ONECUT3: variants seen among roughly 807,000 people sequenced by gnomAD.
The protein encoded by ONECUT3 is one cut homeobox 3, also known as one cut domain family member 3.
ONECUT3 carries 11 observed loss-of-function variants against 16.8 expected under a neutral mutation model. The ratio of observed to expected loss-of-function variants is 0.66; its 90% confidence interval spans 0.41 to 1.09. The LOEUF (loss-of-function observed/expected upper bound fraction) is 1.09, where lower values mean the gene tolerates loss of function less well. Ranked by LOEUF, ONECUT3 falls within the 50% of genes least tolerant of loss-of-function variation. The pLI is 0.00. For missense variants in ONECUT3, 637 were observed against 629.9 expected (o/e 1.01, Z -0.12); for synonymous variants, 344 against 310.7 (o/e 1.11, Z -1.13).
At position 1,754,258 on chromosome 19, in the gene ONECUT3, T is replaced by C. The variant is rs2145954623; in HGVS notation, c.596T>C (p.Leu199Pro). 9.4e-7 allele frequency: 1 copy of C among 1,066,470 alleles called. No homozygotes were observed. 66.1% of individuals were successfully genotyped at this position (1,066,470 alleles called of 1,614,324 possible). ...GAGCTGCCCGCCATGGGGTCGCCGC[T>C]GTCGCCGCTGCCCAACGCGCTGCCG... ...GKELPAMGSP[L>P]SPLPNALPPA... Residue 199 changes from leucine (L) to proline (P), a missense_variant, in exon 1 of 2, where the codon CTG (leucine) becomes CCG (proline). Coordinates refer to ENST00000382349, the MANE Select transcript of ONECUT3 (RefSeq NM_001080488.2). The surrounding 1 kb of genome is among the most constrained non-coding windows in gnomAD (Gnocchi z 7.4).
At position 1,766,341 on chromosome 19, in the gene ONECUT3, C is replaced by A. The variant is rs903362817; in HGVS notation, c.1193-8812C>A. Among the ~76,000 whole-genome samples the A allele has an allele frequency of 6.6e-6, 1 of 152,070 alleles. No individual in the cohort carries two copies. Among genetic ancestry groups the A allele is most frequent in the Non-Finnish European group, 1.5e-5 (1 of 67,980 alleles). ...CGTCAGGCGCGCGCAGAGGCACCCA[C>A]GGGCCCGCCTTCAGGGGCGAGGCGG... is the stretch of plus-strand genomic sequence containing the variant. On this transcript the variant is annotated intron_variant, in intron 1 of 1. Coordinates refer to ENST00000382349, the MANE Select transcript of ONECUT3 (RefSeq NM_001080488.2). The surrounding 1 kb of genome is among the most constrained non-coding windows in gnomAD (Gnocchi z 4.0).
intron 1 of ONECUT3, among the ~76,000 whole-genome samples, chr19:1,770,490 TCTTG>T (rs1238867921): frequency 6.6e-6 from 1 of 152,168 alleles, no homozygotes; most frequent in Non-Finnish European, 1.5e-5. Flanking sequence ...CATATAAAGC[TCTTG>T]ACACAAAGCT....
At chr19:1,767,542 C>G (rs1159229156) in intron 1 of ONECUT3, among the ~76,000 whole-genome samples, 7 of 152,182 alleles carry the variant, frequency 4.6e-5, no homozygotes, top group Non-Finnish European at 8.8e-5. Context: ...GGGTCTCCCC[C>G]CAGTCCAGCC....
chr19:1,775,415 CG>C lies in ONECUT3; in HGVS notation c.1457del (p.Gly486AlafsTer125). 1 of 1,527,186 alleles carries C rather than the reference CG, an allele frequency of 6.5e-7. No homozygotes were observed. The highest frequency in any genetic ancestry group is 8.8e-7 in the Non-Finnish European group (1 of 1,138,906). 94.6% of individuals were successfully genotyped at this position (1,527,186 alleles called of 1,614,324 possible). On this transcript the variant is annotated frameshift_variant, in exon 2 of 2. Coordinates refer to ENST00000382349, the MANE Select transcript of ONECUT3 (RefSeq NM_001080488.2). LOFTEE classifies it high-confidence loss of function. ...EPSTAPGGPA[G>X]ATATFSKA is the part of the protein sequence containing the mutation. ...CCAGCACGGCCCCCGGGGGCCCCGC[CG>C]GCGCCACGGCCACTTTCTCCAAGGC...
intron 1 of ONECUT3, among the ~76,000 whole-genome samples, chr19:1,761,260 C>T (rs1025420229): frequency 6.6e-6 from 1 of 152,078 alleles, no homozygotes; most frequent in African/African-American, 2.4e-5. Flanking sequence ...ACCACGTTGA[C>T]CAGGCTGGTC....
At chr19:1,774,809 C>T (rs1024617945) in intron 1 of ONECUT3, among the ~76,000 whole-genome samples, 1 of 151,764 alleles carries the variant, frequency 6.6e-6, no homozygotes, top group African/African-American at 2.4e-5. Flanking sequence ...CTCCCCCCAC[C>T]CCCACCGCAT....
intron 1 of ONECUT3, among the ~76,000 whole-genome samples, chr19:1,768,914 G>GAGGTGGTGGAGGTGA (rs1403559939): frequency 2.0e-5 from 3 of 147,650 alleles, no homozygotes; most frequent in Non-Finnish European, 4.6e-5. Context: ...GGTGGAGGTG[G>GAGGTGGTGGAGGTGA]AGGTGGTGGA....
chr19:1,765,283 C>G (rs753955257), intron 1 of ONECUT3, among the ~76,000 whole-genome samples: 1 of 152,180 alleles, frequency 6.6e-6, no homozygotes, highest in African/African-American at 2.4e-5. Flanking sequence ...CCTGCCGTGC[C>G]GCCCCCAGCA....
rs1034576405 is a variant in ONECUT3, at chr19:1,779,832, G to A, written c.*4387G>A. Reference sequence around the variant, plus strand: ...GGACGGGGCCCCAGGTAGAGGGGGCGGGAACAGAGCCTCAGTAGCCGGGTC... The same window carrying A: ...GGACGGGGCCCCAGGTAGAGGGGGCAGGAACAGAGCCTCAGTAGCCGGGTC... On this transcript the variant is annotated 3_prime_UTR_variant, in exon 2 of 2. Coordinates refer to ENST00000382349, the MANE Select transcript of ONECUT3 (RefSeq NM_001080488.2). The A allele has an allele frequency of 2.6e-5, 4 of 152,056 alleles. No homozygotes were observed. The highest frequency in any genetic ancestry group is 4.8e-5 in the African/African-American group (2 of 41,356). The allele number at this position is 152,056 out of a possible 1,614,324, so 9.4% of individuals were successfully genotyped here.
chr19:1,766,612 G>A lies in ONECUT3; in HGVS notation c.1193-8541G>A, dbSNP rs1476541599. Among the ~76,000 whole-genome samples the A allele has an allele frequency of 6.6e-6, 1 of 151,480 alleles. No individual in the cohort carries two copies. Among genetic ancestry groups the A allele is most frequent in the African/African-American group, 2.4e-5 (1 of 41,190 alleles). ...AAGGAGGGGTGAGGAGGAGGAGAGG[G>A]GATGGTCCCCTCTTGGAGGGTGATG... On this transcript the variant is annotated intron_variant, in intron 1 of 1. Coordinates refer to ENST00000382349, the MANE Select transcript of ONECUT3 (RefSeq NM_001080488.2). The surrounding 1 kb of genome is among the most constrained non-coding windows in gnomAD (Gnocchi z 4.0).
chr19:1,754,387 C>A lies in ONECUT3; in HGVS notation c.725C>A (p.Pro242His). 1.8e-6 allele frequency: 2 copies of A among 1,099,468 alleles called. No individual in the cohort carries two copies. The highest frequency in any genetic ancestry group is 2.4e-5 in the South Asian group (1 of 42,266). 68.1% of individuals were successfully genotyped at this position (1,099,468 alleles called of 1,614,324 possible). A position where few individuals can be genotyped will look rare whatever the true frequency, so the allele number is the denominator to read the frequency against. ...GHLAGDKLLP[P>H]AAFEPHAALL... Reference sequence around the variant, plus strand: ...CTGGCTGGGGACAAGCTGCTGCCGCCCGCCGCCTTCGAGCCGCACGCCGCG... The same window carrying A: ...CTGGCTGGGGACAAGCTGCTGCCGCACGCCGCCTTCGAGCCGCACGCCGCG... The change falls in exon 1 of 2, where the codon CCC (proline) becomes CAC (histidine). Residue 242 changes from proline (P) to histidine (H), a missense_variant. This residue lies in a region of ONECUT3 where 419 missense variants were observed against 377.9 expected (regional missense o/e 1.11). Transcript: ENST00000382349. The surrounding 1 kb of genome is among the most constrained non-coding windows in gnomAD (Gnocchi z 7.4).
intron 1 of ONECUT3, among the ~76,000 whole-genome samples, chr19:1,761,395 G>C (rs1328422851): frequency 6.6e-6 from 1 of 152,186 alleles, no homozygotes; most frequent in Non-Finnish European, 1.5e-5. Context: ...TCCTAAGGGA[G>C]CTTTGCATGG....
rs542026278 is a variant in ONECUT3, at chr19:1,763,272, G to A, written c.1192+8418G>A. Among the ~76,000 whole-genome samples the A allele has an allele frequency of 3.7e-3, 547 of 148,022 alleles. 2 individuals are homozygous for A. Among genetic ancestry groups the A allele is most frequent in the Non-Finnish European group, 4.7e-3 (317 of 67,324 alleles). ...CCAGCTACTCCGGAGGCTGCGACAG[G>A]AGAATCGCTTGAACCCAGGAGGCAG... On this transcript the variant is annotated intron_variant, in intron 1 of 1. Coordinates refer to ENST00000382349, the MANE Select transcript of ONECUT3 (RefSeq NM_001080488.2).
Position 1,776,537 on chromosome 19 carries a change from C to G in ONECUT3, c.*1092C>G, listed in dbSNP as rs973296206. 13 of 152,170 alleles carry G rather than the reference C, an allele frequency of 8.5e-5. No homozygotes were observed. Among genetic ancestry groups the G allele is most frequent in the African/African-American group, 3.1e-4 (13 of 41,436 alleles). 9.4% of individuals were successfully genotyped at this position (152,170 alleles called of 1,614,324 possible). Reference sequence around the variant, plus strand: ...TTCCACTCTCGCCAAAGAGAGAAGACGCCGAGGAAGGTGGATTCCGCTTGC... The same window carrying G: ...TTCCACTCTCGCCAAAGAGAGAAGAGGCCGAGGAAGGTGGATTCCGCTTGC... On this transcript the variant is annotated 3_prime_UTR_variant, in exon 2 of 2. Transcript: ENST00000382349. The surrounding 1 kb of genome is among the most constrained non-coding windows in gnomAD (Gnocchi z 4.9).
In ONECUT3 at chr19:1,775,579, A is replaced by C. The variant is rs1600365286; in HGVS notation, c.*134A>C. On this transcript the variant is annotated 3_prime_UTR_variant, in exon 2 of 2. Coordinates refer to ENST00000382349, the MANE Select transcript of ONECUT3 (RefSeq NM_001080488.2). ...AGGGGGTGCTATCCGGGCCCCCCAC[A>C]CCCGGGGAGGGGGAAGCAGCACACC... is the stretch of plus-strand genomic sequence containing the variant. 7.3e-5 allele frequency: 60 copies of C among 820,110 alleles called. No homozygotes were observed. Among genetic ancestry groups the C allele is most frequent in the Non-Finnish European group, 9.1e-5 (52 of 572,926 alleles). The allele number at this position is 820,110 out of a possible 1,614,324, so 50.8% of individuals were successfully genotyped here. A position where few individuals can be genotyped will look rare whatever the true frequency, so the allele number is the denominator to read the frequency against.
At chr19:1,774,169 T>C (rs2068083075) in intron 1 of ONECUT3, among the ~76,000 whole-genome samples, 1 of 152,060 alleles carries the variant, frequency 6.6e-6, no homozygotes, top group African/African-American at 2.4e-5. Context: ...GGTCTCAGCC[T>C]GTGGATAGGG....
intron 1 of ONECUT3, among the ~76,000 whole-genome samples, chr19:1,767,862 A>C (rs573473274): frequency 3.5e-4 from 53 of 152,208 alleles, no homozygotes; most frequent in African/African-American, 1.2e-3. Context: ...AGATGTGGGC[A>C]TGGGGTCTCC....
intron 1 of ONECUT3, among the ~76,000 whole-genome samples, chr19:1,757,240 G>C (rs926144849): frequency 2.6e-5 from 4 of 152,206 alleles, no homozygotes; most frequent in Non-Finnish European, 4.4e-5. Context: ...GTGGGTGTTC[G>C]CTCCTGCCGA....
intron 1 of ONECUT3, among the ~76,000 whole-genome samples, chr19:1,763,596 G>A (rs1298440083): frequency 6.6e-6 from 1 of 151,882 alleles, no homozygotes; most frequent in African/African-American, 2.4e-5. Context: ...AATAGTTAAC[G>A]CATTCGCCAG....
Sources: allele counts gnomAD v4.1 joint callset (sites outside exome capture counted in the v4.1 genomes callset), GRCh38; gene constraint gnomAD v4.1.1; regional missense constraint gnomAD v4.1.1; non-coding constraint Gnocchi (gnomAD v3.1); transcripts MANE v1.5; gene names NCBI Gene and HGNC (gene_info 2026-07-23, HGNC 2026-07-21).